Variants in ASTN2 observed in about 807,000 individuals in gnomAD.
The protein encoded by ASTN2 is astrotactin 2, also known as astrotactin-2.
Under a neutral mutation model 139.8 loss-of-function variants are expected in ASTN2, and 54 were observed. That is an observed-to-expected ratio of 0.39 (90% CI 0.31 to 0.48). The LOEUF is 0.48. Ranked by LOEUF, ASTN2 falls within the 20% of genes least tolerant of loss-of-function variation. The pLI is 0.95. For synonymous variants in ASTN2, 756 were observed against 719.5 expected, an observed-to-expected ratio of 1.05 and a Z score of -0.81; for missense variants, 1,565 against 1,725.1, an observed-to-expected ratio of 0.91 and a Z score of 1.64.
chr9:117,381,186 A>C (rs1384907435), intron 1 of ASTN2, among the ~76,000 whole-genome samples: 1 of 152,220 alleles, frequency 6.6e-6, no homozygotes, highest in East Asian at 1.9e-4. Context: ...CAGAATAGGA[A>C]AATTTGAAGA....
intron 10 of ASTN2, among the ~76,000 whole-genome samples, chr9:116,941,942 T>C (rs1319325263): frequency 6.6e-6 from 1 of 150,888 alleles, no homozygotes; most frequent in Non-Finnish European, 1.5e-5. Flanking sequence ...ACTACTTGAA[T>C]TCTAATCCTG....
chr9:117,341,015 C>A (rs1260707301), intron 1 of ASTN2, among the ~76,000 whole-genome samples: 1 of 152,016 alleles, frequency 6.6e-6, no homozygotes, highest in Non-Finnish European at 1.5e-5. Context: ...GGTGCTGGCT[C>A]CTCTAGGGAC....
intron 19 of ASTN2, among the ~76,000 whole-genome samples, chr9:116,539,254 C>T (rs560926953): frequency 1.4e-4 from 22 of 151,914 alleles, no homozygotes; most frequent in Non-Finnish European, 2.8e-4. Context: ...TGAAAATGTC[C>T]TAAAATTGAC....
Position 116,950,433 on chromosome 9 carries a change from A to G in ASTN2, c.1889+24775T>C, listed in dbSNP as rs541909241. On this transcript the variant is annotated intron_variant, in intron 10 of 22. Transcript: ENST00000313400. ...TAATAAATTTGCTGCTGAGGGAGGG[A>G]GGGAGAGAGAGATATATATTAATGG... Among the ~76,000 whole-genome samples the G allele has an allele frequency of 7.9e-5, 12 of 152,306 alleles. No individual in the cohort carries two copies. In the East Asian group the frequency reaches 2.3e-3, roughly 29 times the overall value.
At chr9:117,250,271 A>G (rs1425662363) in intron 2 of ASTN2, among the ~76,000 whole-genome samples, 1 of 152,192 alleles carries the variant, frequency 6.6e-6, no homozygotes, top group Non-Finnish European at 1.5e-5. Context: ...TGATCCTGTT[A>G]GACACATTTC....
intron 3 of ASTN2, chr9:117,180,609 A>G: frequency 1.6e-6 from 2 of 1,220,576 alleles, no homozygotes; most frequent in South Asian, 1.3e-5. Context: ...ACCATTCTAA[A>G]CAACTGATCT....
rs1448735671 is a variant in ASTN2 at position 117,337,311 on chromosome 9, TG to T, written c.443-45799del. On this transcript the variant is annotated intron_variant, in intron 1 of 22. Transcript: ENST00000313400. The stretch of plus-strand genomic sequence containing the variant: ...TTGGATTGGTCACAGGGCAATGACC[TG>T]TGATTTCTGGGTTGCAGAGATCAAA... Among the ~76,000 whole-genome samples the T allele has an allele frequency of 2.0e-5, 3 of 152,184 alleles. No homozygotes were observed. In the East Asian group the frequency reaches 5.8e-4, roughly 29 times the overall value.
intron 1 of ASTN2, among the ~76,000 whole-genome samples, chr9:117,406,856 TAACACA>T (rs1831007220): frequency 6.2e-5 from 6 of 97,116 alleles, no homozygotes; most frequent in South Asian, 4.8e-4. Flanking sequence ...CATTGTCCCC[TAACACA>T]CACACACACA....
chr9:116,672,152 T>C (rs966306650), intron 16 of ASTN2, among the ~76,000 whole-genome samples: 2 of 152,100 alleles, frequency 1.3e-5, no homozygotes, highest in African/African-American at 4.8e-5. Flanking sequence ...GGCAGGAGGA[T>C]GGCTTGAGCT....
At chr9:117,124,650 A>G (rs566924025) in intron 4 of ASTN2, among the ~76,000 whole-genome samples, 8 of 152,262 alleles carry the variant, frequency 5.3e-5, no homozygotes, top group Admixed American at 5.2e-4. Flanking sequence ...TCTTCCTTAC[A>G]TGCATTTTAA....
chr9:116,632,128 A>AAGAGAGAGAGAGAGAGAGAGAGAGAGAG, intron 17 of ASTN2, among the ~76,000 whole-genome samples: 1 of 47,758 alleles, frequency 2.1e-5, no homozygotes, highest in East Asian at 1.0e-3. Flanking sequence ...AAAGAAAAAG[A>AAGAGAGAGAGAGAGAGAGAGAGAGAGAG]AGAGAGAGAG....
At chr9:116,984,852 A>G (rs2132541079) in intron 7 of ASTN2, among the ~76,000 whole-genome samples, 1 of 152,312 alleles carries the variant, frequency 6.6e-6, no homozygotes, top group South Asian at 2.1e-4. Context: ...AATCTTGTTA[A>G]AATTCCAGCC....
In ASTN2 at chr9:117,214,481, C is replaced by G. The variant is rs769480844; in HGVS notation, c.892G>C (p.Asp298His). Residue 298 changes from aspartate to histidine, a missense_variant, in exon 3 of 23, where the codon GAT (aspartate) becomes CAT (histidine). Around this residue, in one of 4 missense-constraint regions of ASTN2, gnomAD observed 596 missense variants for 576.8 expected, o/e 1.03. Coordinates refer to ENST00000313400, the MANE Select transcript of ASTN2 (RefSeq NM_001365068.1). ...PILDDYDCEE[D>H]EEPPRRANHV... ...TTGGCCCGCCTAGGTGGCTCCTCATCCTCCTCACAGTCATAGTCATCCAGG... is the reference window on the plus strand; with the variant it reads ...TTGGCCCGCCTAGGTGGCTCCTCATGCTCCTCACAGTCATAGTCATCCAGG... 6.2e-7 allele frequency: 1 copy of G among 1,614,208 alleles called. No individual in the cohort carries two copies. Among genetic ancestry groups the G allele is most frequent in the African/African-American group, 1.3e-5 (1 of 75,074 alleles).
intron 4 of ASTN2, among the ~76,000 whole-genome samples, chr9:117,118,305 G>T (rs1351990865): frequency 6.6e-6 from 1 of 151,932 alleles, no homozygotes; most frequent in Non-Finnish European, 1.5e-5. Flanking sequence ...CCCCATCCTA[G>T]ATCTCCAGTC....
chr9:116,799,708 G>GGGT (rs72421356), intron 13 of ASTN2, among the ~76,000 whole-genome samples: 5,510 of 143,870 alleles, frequency 0.038, 409 homozygotes, highest in African/African-American at 0.13. Flanking sequence ...TAAGAGAGTG[G>GGGT]GGGGGGGGAG....
At chr9:116,463,913 T>G (rs1588083288) in intron 20 of ASTN2, among the ~76,000 whole-genome samples, 1 of 149,320 alleles carries the variant, frequency 6.7e-6, no homozygotes, top group South Asian at 2.2e-4. Flanking sequence ...TTTGTGTTTT[T>G]TTTTTTTTTT....
intron 10 of ASTN2, among the ~76,000 whole-genome samples, chr9:116,912,429 T>G (rs1392605124): frequency 6.6e-6 from 1 of 152,240 alleles, no homozygotes; most frequent in Non-Finnish European, 1.5e-5. Context: ...TTCTCAGTGC[T>G]AAGAAAGTGG....
intron 1 of ASTN2, among the ~76,000 whole-genome samples, chr9:117,363,293 G>T (rs1271083887): frequency 6.6e-6 from 1 of 152,154 alleles, no homozygotes; most frequent in African/African-American, 2.4e-5. Flanking sequence ...AGTGTGTAGT[G>T]AAGGAAGGCT....
rs1392858927 is a variant in ASTN2, at chr9:116,725,850, G to C, written c.2727C>G (p.Leu909=). The C allele has an allele frequency of 6.2e-7, 1 of 1,614,072 alleles. No homozygotes were observed. Among genetic ancestry groups the C allele is most frequent in the Non-Finnish European group, 8.5e-7 (1 of 1,180,036 alleles). The change falls in exon 16 of 23, where the codon CTC becomes CTG. Residue 909 remains leucine (L), a synonymous_variant. Coordinates refer to ENST00000313400, the MANE Select transcript of ASTN2 (RefSeq NM_001365068.1). ...HYGSHYIAEA[L]YGSELTCIIH... is the part of the protein sequence containing the mutation. ...TGATGCAGGTGAGCTCTGAGCCATA[G>C]AGGGCCTCTGCGATGTAGTGGGAGC...
Sources: gnomAD v4.1 joint callset for allele counts (sites outside exome capture counted in the v4.1 genomes callset) on GRCh38, gnomAD v4.1.1 for gene constraint, gnomAD v4.1.1 regional missense constraint, MANE v1.5 for transcripts, NCBI Gene and HGNC (gene_info 2026-07-23, HGNC 2026-07-21) for gene names.